PTPRQ: variants seen among roughly 807,000 people sequenced by gnomAD.
The protein encoded by PTPRQ is protein tyrosine phosphatase receptor type Q.
A neutral mutation model predicts 246.0 loss-of-function variants in PTPRQ; 199 were observed. The ratio of observed to expected loss-of-function variants is 0.81; its 90% confidence interval spans 0.72 to 0.91. The LOEUF is 0.91. PTPRQ is among the 40% of genes least tolerant of loss of function. PTPRQ has a pLI of 0.00. For missense variants in PTPRQ, 2,624 were observed against 2,528.4 expected (o/e 1.04, Z -0.81); for synonymous variants, 869 against 853.2 (o/e 1.02, Z -0.32).
intron 6 of PTPRQ, 151 bp from the exon 7 acceptor site, chr12:80,468,559 C>A: frequency 1.4e-6 from 1 of 716,476 alleles, no homozygotes; most frequent in Non-Finnish European, 2.1e-6. Context: ...CAATTATATT[C>A]CATTTATTCT....
intron 32 of PTPRQ, among the ~76,000 whole-genome samples, chr12:80,621,352 A>G (rs1898980305): frequency 6.6e-6 from 1 of 151,966 alleles, no homozygotes; most frequent in South Asian, 2.1e-4. Context: ...CAGACTCTTC[A>G]TATAACAAAT....
At chr12:80,632,169 A>G in intron 33 of PTPRQ, 23 bp from the exon 34 acceptor site, 4 of 1,540,098 alleles carry the variant, frequency 2.6e-6, no homozygotes, top group Non-Finnish European at 3.5e-6. Context: ...ATATTTAATG[A>G]TCCTGTTATC....
chr12:80,604,030 G>T (rs191907549), intron 26 of PTPRQ, among the ~76,000 whole-genome samples: 21 of 151,506 alleles, frequency 1.4e-4, no homozygotes, highest in Non-Finnish European at 2.7e-4. Flanking sequence ...AAACATTTTG[G>T]TGTTTCACCA....
intron 39 of PTPRQ, among the ~76,000 whole-genome samples, chr12:80,668,296 A>G (rs945635221): frequency 6.6e-6 from 1 of 151,872 alleles, no homozygotes; most frequent in Non-Finnish European, 1.5e-5. Context: ...AAATTTGATA[A>G]ATATACACAA....
intron 35 of PTPRQ, among the ~76,000 whole-genome samples, chr12:80,636,273 A>C (rs1218468703): frequency 2.0e-5 from 3 of 152,228 alleles, no homozygotes; most frequent in Non-Finnish European, 4.4e-5. Flanking sequence ...TATCCAAGAC[A>C]TAGTTTTCTA....
intron 26 of PTPRQ, among the ~76,000 whole-genome samples, chr12:80,602,420 A>G (rs1898173462): frequency 6.6e-6 from 1 of 151,798 alleles, no homozygotes; most frequent in South Asian, 2.1e-4. Flanking sequence ...AGAAAGTATC[A>G]GAGACTTGGT....
At chr12:80,625,453 T>C (rs1367306034) in intron 33 of PTPRQ, among the ~76,000 whole-genome samples, 3 of 152,142 alleles carry the variant, frequency 2.0e-5, no homozygotes, top group African/African-American at 7.2e-5. Flanking sequence ...TGCCTGTCTG[T>C]TGAAACTTTG....
intron 26 of PTPRQ, among the ~76,000 whole-genome samples, chr12:80,600,993 C>T (rs1898123394): frequency 6.6e-6 from 1 of 151,682 alleles, no homozygotes; most frequent in Non-Finnish European, 1.5e-5. Flanking sequence ...TCACGCTGGC[C>T]ATTCTCCTCC....
At chr12:80,450,363 C>G (rs1565711198) in intron 3 of PTPRQ, among the ~76,000 whole-genome samples, 1 of 152,136 alleles carries the variant, frequency 6.6e-6, no homozygotes, top group Non-Finnish European at 1.5e-5. Flanking sequence ...ATTGAATACC[C>G]TTTATTTCCT....
At chr12:80,625,749 C>T (rs1363499766) in intron 33 of PTPRQ, among the ~76,000 whole-genome samples, 1 of 152,102 alleles carries the variant, frequency 6.6e-6, no homozygotes, top group Non-Finnish European at 1.5e-5. Flanking sequence ...ATAACGTATG[C>T]ATTATTTTAA....
intron 39 of PTPRQ, among the ~76,000 whole-genome samples, chr12:80,660,475 C>T (rs376764877): frequency 6.6e-6 from 1 of 152,008 alleles, no homozygotes; most frequent in Admixed American, 6.6e-5. Context: ...AGTGATATTG[C>T]AGCCCCATAA....
intron 25 of PTPRQ, among the ~76,000 whole-genome samples, chr12:80,575,055 C>T (rs897299663): frequency 6.6e-6 from 1 of 152,158 alleles, no homozygotes; most frequent in Non-Finnish European, 1.5e-5. Context: ...AAGTTATCAC[C>T]AGATCAGAGT....
At chr12:80,450,561 T>C (rs1022139445) in intron 3 of PTPRQ, among the ~76,000 whole-genome samples, 1 of 151,996 alleles carries the variant, frequency 6.6e-6, no homozygotes, top group African/African-American at 2.4e-5. Context: ...CATCAATACC[T>C]AATTTATTGA....
intron 12 of PTPRQ, 44 bp downstream of exon 12, chr12:80,495,415 A>G: frequency 1.4e-6 from 2 of 1,470,566 alleles, no homozygotes; most frequent in Non-Finnish European, 1.8e-6. Context: ...TTCATTTTAC[A>G]TTTCTATTCT....
At chr12:80,650,179 T>TA (rs530161001) in intron 37 of PTPRQ, among the ~76,000 whole-genome samples, 220 of 150,832 alleles carry the variant, frequency 1.5e-3, no homozygotes, top group Non-Finnish European at 2.2e-3. Flanking sequence ...TGTCTAAAAA[T>TA]AAAAAAAAAG....
intron 25 of PTPRQ, among the ~76,000 whole-genome samples, chr12:80,558,467 C>CTTTTT (rs57046212): frequency 4.1e-5 from 5 of 122,910 alleles, no homozygotes; most frequent in Non-Finnish European, 3.4e-5. Flanking sequence ...TGCACCTGGC[C>CTTTTT]TTTTTTTTTT....
Position 80,534,207 on chromosome 12 carries a change from T to A in PTPRQ, c.2839+32T>A, listed in dbSNP as rs750420841. ...TAAGGATGTATGCCAATTAAAAGAA[T>A]GTTCTTTTTCTTTAAAAAAAAAATC... On this transcript the variant is annotated intron_variant, in intron 18 of 44. Coordinates refer to ENST00000644991, the MANE Select transcript of PTPRQ (RefSeq NM_001145026.2). 8.4e-6 allele frequency: 12 copies of A among 1,434,804 alleles called. No homozygotes were observed. In the South Asian group the frequency reaches 1.8e-4, roughly 22 times the overall value. The allele number at this position is 1,434,804 out of a possible 1,614,324, so 88.9% of individuals were successfully genotyped here. A position where few individuals can be genotyped will look rare whatever the true frequency, so the allele number is the denominator to read the frequency against.
At chr12:80,654,794 A>G (rs938319171) in intron 38 of PTPRQ, among the ~76,000 whole-genome samples, 3 of 151,906 alleles carry the variant, frequency 2.0e-5, no homozygotes, top group Non-Finnish European at 2.9e-5. Context: ...TGGGAGGCAG[A>G]GGTTGCAGTG....
Position 80,619,433 on chromosome 12 carries a change from A to G in PTPRQ, c.5280A>G (p.Gly1760=). 1 of 1,548,320 alleles carries G rather than the reference A, an allele frequency of 6.5e-7. No individual in the cohort carries two copies. The highest frequency in any genetic ancestry group is 8.7e-7 in the Non-Finnish European group (1 of 1,144,848). ...CAACCCCTATTTATGATGCCACAGGAAAACTGCTTGTGACTTCAACAACAA... is the reference window on the plus strand; with the variant it reads ...CAACCCCTATTTATGATGCCACAGGGAAACTGCTTGTGACTTCAACAACAA... ...TKPTPIYDAT[G]KLLVTSTTIT... is the part of the protein sequence containing the mutation. The change falls in exon 31 of 45, where the codon GGA becomes GGG. Residue 1760 remains glycine (G), a synonymous_variant. Transcript: ENST00000644991.
Sources: gnomAD v4.1 joint callset for allele counts (sites outside exome capture counted in the v4.1 genomes callset) on GRCh38, gnomAD v4.1.1 for gene constraint, MANE v1.5 for transcripts, NCBI Gene and HGNC (gene_info 2026-07-23, HGNC 2026-07-21) for gene names.